The following GOSR1 variants were observed in gnomAD, a reference collection of about 807,000 sequenced individuals.
GOSR1 encodes the protein 28 kDa Golgi SNARE protein.
A neutral mutation model predicts 35.5 loss-of-function variants in GOSR1; 21 were observed. The observed-to-expected ratio is 0.59, with a 90% CI of 0.42 to 0.85. GOSR1 has a LOEUF of 0.85. GOSR1 is among the 40% of genes least tolerant of loss of function. The pLI is 0.00. For missense variants in GOSR1, 285 were observed against 309.6 expected (o/e 0.92, Z 0.60); for synonymous variants, 94 against 106.6 (o/e 0.88, Z 0.73).
intron 6 of GOSR1, among the ~76,000 whole-genome samples, chr17:30,493,889 C>T (rs1037006586): frequency 6.6e-6 from 1 of 151,972 alleles, no homozygotes; most frequent in Non-Finnish European, 1.5e-5. Context: ...TCTGTTTTTA[C>T]TATTATACAC....
rs1485202875 is a variant in GOSR1, at chr17:30,524,716, A to G, written c.*2338A>G. The G allele has an allele frequency of 6.6e-6, 1 of 152,228 alleles. No individual in the cohort carries two copies. The highest frequency in any genetic ancestry group is 2.4e-5 in the African/African-American group (1 of 41,448). 9.4% of individuals were successfully genotyped at this position (152,228 alleles called of 1,614,324 possible). A position where few individuals can be genotyped will look rare whatever the true frequency, so the allele number is the denominator to read the frequency against. ...GACTGCTCAATTTCTAATGTGATCT[A>G]TTCAAGAAGCCACATATAAAAAGGC... On this transcript the variant is annotated 3_prime_UTR_variant, in exon 9 of 9. Coordinates refer to ENST00000451249, the MANE Select transcript of GOSR1 (RefSeq NM_001007025.2).
chr17:30,496,088 A>G (rs1170296341), intron 6 of GOSR1, among the ~76,000 whole-genome samples: 1 of 152,028 alleles, frequency 6.6e-6, no homozygotes, highest in African/African-American at 2.4e-5. Context: ...CTTTTCTATA[A>G]ATTGACCTAT....
chr17:30,522,200 C>A, intron 8 of GOSR1, 54 bp from the exon 9 acceptor site: 1 of 1,512,806 alleles, frequency 6.6e-7, no homozygotes, highest in Non-Finnish European at 9.0e-7. Flanking sequence ...ATTCCTACGA[C>A]TTTTCGCCAG....
At chr17:30,478,257 C>A (rs534398389) in intron 1 of GOSR1, among the ~76,000 whole-genome samples, 2 of 152,344 alleles carry the variant, frequency 1.3e-5, no homozygotes, top group African/African-American at 4.8e-5. Context: ...AGAAAGCTCA[C>A]CTTTTTCTCC....
chr17:30,485,043 C>G, intron 4 of GOSR1: 1 of 446,814 alleles, frequency 2.2e-6, no homozygotes, highest in Non-Finnish European at 4.1e-6. Flanking sequence ...ACCTAGCTAG[C>G]TAGCTGTAAC....
rs1217651920 is a variant in GOSR1 at position 30,523,308 on chromosome 17, G to T, written c.*930G>T. ...ATGTGGGGAGCGCCTCTGCCCCGCC[G>T]CCCCGTCTGGGATGTGAGGAGCTCC... On this transcript the variant is annotated 3_prime_UTR_variant, in exon 9 of 9. Transcript: ENST00000451249. The T allele has an allele frequency of 5.7e-6, 1 of 176,014 alleles. No individual in the cohort carries two copies. The highest frequency in any genetic ancestry group is 1.2e-5 in the Non-Finnish European group (1 of 84,272). The allele number at this position is 176,014 out of a possible 1,614,324, so 10.9% of individuals were successfully genotyped here.
At chr17:30,477,958 A>C in intron 1 of GOSR1, 1 of 984,028 alleles carries the variant, frequency 1.0e-6, no homozygotes, top group East Asian at 1.1e-4. Context: ...AATAGGAGAC[A>C]GAATGTCTCT....
At position 30,477,446 on chromosome 17, in the gene GOSR1, A is replaced by G. The variant is rs780538628; in HGVS notation, c.13A>G (p.Thr5Ala). MAAG[T>A]SSYWEDLRKQ... ...TTGGACGACAAAGATGGCGGCAGGG[A>G]CCAGCAGTTACTGGGAAGGTGAGGG... is the stretch of plus-strand genomic sequence containing the variant. The change falls in exon 1 of 9, where the codon ACC (threonine) becomes GCC (alanine). Residue 5 changes from threonine (T) to alanine (A), a missense_variant. Thr to Ala is a moderately conservative substitution (Grantham distance 58). Around this residue, in one of 3 missense-constraint regions of GOSR1, gnomAD observed 108 missense variants for 98.9 expected, o/e 1.09. Coordinates refer to ENST00000451249, the MANE Select transcript of GOSR1 (RefSeq NM_001007025.2). 2.2e-5 allele frequency: 36 copies of G among 1,608,732 alleles called. No homozygotes were observed. The highest frequency in any genetic ancestry group is 1.7e-4 in the Middle Eastern group (1 of 5,998).
intron 1 of GOSR1, among the ~76,000 whole-genome samples, chr17:30,478,277 C>T (rs899861377): frequency 6.6e-6 from 1 of 152,226 alleles, no homozygotes; most frequent in African/African-American, 2.4e-5. Context: ...CCAACTGTCT[C>T]TTTGCTTTAC....
chr17:30,519,887 C>A, intron 7 of GOSR1, 52 bp from the exon 8 acceptor site: 2 of 1,087,876 alleles, frequency 1.8e-6, no homozygotes, highest in South Asian at 1.3e-5. Context: ...CATGATGGTT[C>A]CAGGCAGGAT....
At chr17:30,498,153 TC>T (rs1047126510) in intron 6 of GOSR1, among the ~76,000 whole-genome samples, 71 of 152,090 alleles carry the variant, frequency 4.7e-4, no homozygotes, top group African/African-American at 1.5e-3. Flanking sequence ...TTTATTCAAA[TC>T]CTTTTTTTTT....
chr17:30,496,749 A>G (rs886877712), intron 6 of GOSR1, among the ~76,000 whole-genome samples: 2 of 152,358 alleles, frequency 1.3e-5, no homozygotes, highest in Middle Eastern at 3.4e-3. Context: ...AGGGAAAGCA[A>G]TTGGTAAAAT....
At chr17:30,497,894 C>A (rs1481693678) in intron 6 of GOSR1, among the ~76,000 whole-genome samples, 1 of 152,040 alleles carries the variant, frequency 6.6e-6, no homozygotes, top group Non-Finnish European at 1.5e-5. Flanking sequence ...CCCATCTCTA[C>A]CAAAAATACA....
At chr17:30,486,509 G>A (rs1914694660) in intron 4 of GOSR1, among the ~76,000 whole-genome samples, 1 of 149,282 alleles carries the variant, frequency 6.7e-6, no homozygotes, top group Non-Finnish European at 1.5e-5. Flanking sequence ...GGGCAACAGA[G>A]TGACTGTTTC....
At position 30,485,270 on chromosome 17, in the gene GOSR1, A is replaced by ATT. The variant is rs1324966154; in HGVS notation, c.342+515_342+516dup. On this transcript the variant is annotated intron_variant, in intron 4 of 8. Transcript: ENST00000451249. ...ATATGGTAGTACAAATAGGAAGGCA[A>ATT]TTTTTTTTTTTTTTTTGAGATAGGG... 532 of 163,114 alleles carry ATT rather than the reference A, an allele frequency of 3.3e-3. 1 individual carries two copies. Among genetic ancestry groups the ATT allele is most frequent in the African/African-American group, 7.3e-3 (289 of 39,496 alleles). The allele number at this position is 163,114 out of a possible 1,614,324, so 10.1% of individuals were successfully genotyped here.
At chr17:30,518,824 T>G (rs950181937) in intron 7 of GOSR1, among the ~76,000 whole-genome samples, 1 of 151,584 alleles carries the variant, frequency 6.6e-6, no homozygotes, top group Non-Finnish European at 1.5e-5. Flanking sequence ...ATGCCTGTAG[T>G]CCCAGCTACT....
intron 7 of GOSR1, among the ~76,000 whole-genome samples, chr17:30,511,126 G>C (rs1447487995): frequency 6.6e-6 from 1 of 152,070 alleles, no homozygotes; most frequent in East Asian, 1.9e-4. Flanking sequence ...CTTTAATTAA[G>C]CTGTTTTACT....
intron 8 of GOSR1, 82 bp from the exon 9 acceptor site, chr17:30,522,172 C>T (rs1432105838): frequency 2.4e-5 from 27 of 1,114,188 alleles, no homozygotes; most frequent in Non-Finnish European, 3.1e-5. Context: ...CTAGACACCA[C>T]TGATCTCTAT....
At chr17:30,486,735 A>G (rs1410245095) in intron 4 of GOSR1, among the ~76,000 whole-genome samples, 1 of 152,188 alleles carries the variant, frequency 6.6e-6, no homozygotes, top group African/African-American at 2.4e-5. Flanking sequence ...GTTAGAAAAT[A>G]CAATGGAAGA....
Sources: gnomAD v4.1 joint callset for allele counts (sites outside exome capture counted in the v4.1 genomes callset) on GRCh38, gnomAD v4.1.1 for gene constraint, gnomAD v4.1.1 regional missense constraint, MANE v1.5 for transcripts, NCBI Gene and HGNC (gene_info 2026-07-23, HGNC 2026-07-21) for gene names.